Variants in STT3B observed in about 807,000 individuals in gnomAD.
The protein encoded by STT3B is dolichyl-diphosphooligosaccharide--protein glycosyltransferase subunit STT3B.
A neutral mutation model predicts 96.8 loss-of-function variants in STT3B; 29 were observed. The observed-to-expected ratio is 0.30, with a 90% CI of 0.22 to 0.41. The LOEUF (loss-of-function observed/expected upper bound fraction) is 0.41. Ranked by LOEUF, STT3B falls within the 10% of genes least tolerant of loss-of-function variation. The pLI, the probability that STT3B is intolerant of heterozygous loss-of-function variation, is 1.00. For synonymous variants in STT3B, 367 were observed against 360.0 expected (o/e 1.02, Z -0.22); for missense variants, 640 against 1,022.3 (o/e 0.63, Z 5.10).
intron 1 of STT3B, among the ~76,000 whole-genome samples, chr3:31,542,940 C>T (rs1234211194): frequency 1.3e-5 from 2 of 151,900 alleles, no homozygotes; most frequent in Non-Finnish European, 2.9e-5. Context: ...GTGGTAGGCA[C>T]CTGTAATCCC....
intron 2 of STT3B, 135 bp downstream of exon 2, chr3:31,576,639 A>G: frequency 2.0e-6 from 1 of 489,026 alleles, no homozygotes; most frequent in East Asian, 3.5e-5. Flanking sequence ...ATTATCCAGT[A>G]TTCAGTTTAC....
chr3:31,576,329 T>C (rs1698262898), intron 1 of STT3B, 67 bp from the exon 2 acceptor site: 2 of 853,992 alleles, frequency 2.3e-6, no homozygotes, highest in African/African-American at 3.5e-5. Flanking sequence ...CCACAGAGTT[T>C]AATATAAAGA....
rs116207806 is a variant in STT3B at position 31,625,118 on chromosome 3, C to T, written c.1899+33C>T. The T allele has an allele frequency of 4.8e-4, 757 of 1,582,468 alleles. 2 individuals are homozygous for T. In the African/African-American group the frequency reaches 9.3e-3, roughly 19 times the overall value. On this transcript the variant is annotated intron_variant, in intron 12 of 15. Transcript: ENST00000295770. ...TTTACTAAATACAAGGTTAAAAAATCTTTATTCACTCCTTAGCAATCAGGC... is the reference window on the plus strand; with the variant it reads ...TTTACTAAATACAAGGTTAAAAAATTTTTATTCACTCCTTAGCAATCAGGC...
At chr3:31,543,253 C>T (rs1458233932) in intron 1 of STT3B, among the ~76,000 whole-genome samples, 2 of 152,102 alleles carry the variant, frequency 1.3e-5, no homozygotes, top group Non-Finnish European at 2.9e-5. Context: ...ATTTTAACAC[C>T]TGTGCATGTA....
intron 15 of STT3B, among the ~76,000 whole-genome samples, chr3:31,635,196 T>C (rs1699734520): frequency 6.6e-6 from 1 of 152,164 alleles, no homozygotes; most frequent in Admixed American, 6.5e-5. Context: ...AATTACTTAG[T>C]TTCAAAAAAT....
At chr3:31,610,046 T>C (rs889720740) in intron 5 of STT3B, among the ~76,000 whole-genome samples, 1 of 152,228 alleles carries the variant, frequency 6.6e-6, no homozygotes, top group Non-Finnish European at 1.5e-5. Context: ...TATCATTATG[T>C]ATGCCTGTTA....
intron 1 of STT3B, among the ~76,000 whole-genome samples, chr3:31,547,490 C>A (rs1453221044): frequency 1.3e-5 from 2 of 152,010 alleles, no homozygotes; most frequent in African/African-American, 4.8e-5. Context: ...ACTAAAAATA[C>A]AAAAAATCAG....
chr3:31,533,517 G>C, intron 1 of STT3B: 1 of 548,384 alleles, frequency 1.8e-6, no homozygotes, highest in South Asian at 6.2e-5. Context: ...GAGGCGGGGC[G>C]TCGGGGTCCA....
intron 15 of STT3B, 73 bp downstream of exon 15, chr3:31,633,220 T>C (rs1459464503): frequency 7.5e-7 from 1 of 1,328,768 alleles, no homozygotes; most frequent in Admixed American, 2.4e-5. Context: ...TTTCTGGAAA[T>C]TGCAATAAAT....
chr3:31,576,425 C>A lies in STT3B; in HGVS notation c.344C>A (p.Ala115Glu). The A allele has an allele frequency of 6.2e-7, 1 of 1,601,796 alleles. No homozygotes were observed. Among genetic ancestry groups the A allele is most frequent in the South Asian group, 1.1e-5 (1 of 89,172 alleles). The change falls in exon 2 of 16, where the codon GCA becomes GAA. Residue 115 changes from alanine to glutamate, a missense_variant. Around this residue, in one of 8 missense-constraint regions of STT3B, gnomAD observed 267 missense variants for 388.3 expected, o/e 0.69. Transcript: ENST00000295770. ...AACTATAGATCAACACATCATCTTG[C>A]ATCTCATGGGTTCTATGAATTTTTA... ...WFNYRSTHHL[A>E]SHGFYEFLNW... is the part of the protein sequence containing the mutation.
At chr3:31,593,465 A>G (rs530036038) in intron 3 of STT3B, among the ~76,000 whole-genome samples, 1 of 151,890 alleles carries the variant, frequency 6.6e-6, no homozygotes, top group East Asian at 1.9e-4. Context: ...CTTGGGTTTC[A>G]TGGATCTGTA....
chr3:31,593,339 C>T (rs1237265277), intron 3 of STT3B, among the ~76,000 whole-genome samples: 2 of 151,826 alleles, frequency 1.3e-5, no homozygotes, highest in Non-Finnish European at 2.9e-5. Context: ...TCGTTACTTC[C>T]TTGTGGGTTT....
chr3:31,587,309 C>T (rs79446340), intron 3 of STT3B, among the ~76,000 whole-genome samples: 6,626 of 152,092 alleles, frequency 0.044, 371 homozygotes, highest in East Asian at 0.32. Flanking sequence ...TTTCACATCC[C>T]CCCAGCCCTT....
rs150225883 is a variant in STT3B at position 31,543,449 on chromosome 3, A to G, written c.314+10137A>G. 7.5e-3 allele frequency among the ~76,000 whole-genome samples: 1,137 copies of G among 152,334 alleles called. 6 individuals are homozygous for G. Among genetic ancestry groups the G allele is most frequent in the Non-Finnish European group, 0.012 (836 of 68,018 alleles). Reference sequence around the variant, plus strand: ...TTTTCTAATCTTTCTAGAATATCCTACACAGTATTAGGAACATAGTGAGTG... The same window carrying G: ...TTTTCTAATCTTTCTAGAATATCCTGCACAGTATTAGGAACATAGTGAGTG... On this transcript the variant is annotated intron_variant, in intron 1 of 15. Transcript: ENST00000295770.
At chr3:31,563,776 G>C (rs1392481570) in intron 1 of STT3B, among the ~76,000 whole-genome samples, 1 of 152,174 alleles carries the variant, frequency 6.6e-6, no homozygotes, top group African/African-American at 2.4e-5. Flanking sequence ...AACAAGTGCT[G>C]AAATTGGTAA....
At chr3:31,565,702 A>G (rs9820596) in intron 1 of STT3B, among the ~76,000 whole-genome samples, 78 of 152,342 alleles carry the variant, frequency 5.1e-4, no homozygotes, top group African/African-American at 1.8e-3. Flanking sequence ...ACCAACAATT[A>G]TGTATGACCC....
At chr3:31,591,804 T>C (rs959719614) in intron 3 of STT3B, among the ~76,000 whole-genome samples, 1 of 152,148 alleles carries the variant, frequency 6.6e-6, no homozygotes, top group African/African-American at 2.4e-5. Context: ...TATTTACCAT[T>C]TCCAGTATTC....
chr3:31,631,353 G>T (rs1346214277), intron 14 of STT3B, among the ~76,000 whole-genome samples: 1 of 152,154 alleles, frequency 6.6e-6, no homozygotes, highest in African/African-American at 2.4e-5. Context: ...TTAAACGCTT[G>T]CTAAGAAAGA....
chr3:31,555,756 C>T (rs1225060349), intron 1 of STT3B, among the ~76,000 whole-genome samples: 1 of 152,010 alleles, frequency 6.6e-6, no homozygotes. Flanking sequence ...TAGTTAACAT[C>T]ACTTTATTTT....
Sources: gnomAD v4.1 joint callset for allele counts (sites outside exome capture counted in the v4.1 genomes callset) on GRCh38, gnomAD v4.1.1 for gene constraint, gnomAD v4.1.1 regional missense constraint, MANE v1.5 for transcripts, NCBI Gene and HGNC (gene_info 2026-07-23, HGNC 2026-07-21) for gene names.